The following FSTL4 variants were observed in gnomAD, a reference collection of about 807,000 sequenced individuals.
The protein encoded by FSTL4 is follistatin-related protein 4.
In FSTL4, 28 loss-of-function variants were observed where a neutral mutation model predicts 78.2. That is an observed-to-expected ratio of 0.36 (90% CI 0.27 to 0.49). The LOEUF is 0.49. Ranked by LOEUF, FSTL4 falls within the 20% of genes least tolerant of loss-of-function variation. The pLI is 0.98. For missense variants in FSTL4, 922 were observed against 1,084.9 expected (o/e 0.85, Z 2.11); for synonymous variants, 422 against 440.5 (o/e 0.96, Z 0.53).
the FSTL4 span, among the ~76,000 whole-genome samples, chr5:133,689,986 C>T: frequency 5.9e-5 from 9 of 152,134 alleles, no homozygotes; most frequent in Non-Finnish European, 1.0e-4. Flanking sequence ...GCTCGAACCC[C>T]GGAGGCAGAG....
the FSTL4 span, among the ~76,000 whole-genome samples, chr5:133,709,999 C>T: frequency 0.018 from 2,668 of 152,278 alleles, 83 homozygotes; most frequent in African/African-American, 0.061. Context: ...TGAGATGTGT[C>T]TTTCCATGCT....
the FSTL4 span, among the ~76,000 whole-genome samples, chr5:133,824,748 C>T: frequency 6.6e-6 from 1 of 152,098 alleles, no homozygotes; most frequent in African/African-American, 2.4e-5. Context: ...GCCCAAAGCA[C>T]GCAGGCATCC....
At chr5:133,682,743 C>A in the FSTL4 span, among the ~76,000 whole-genome samples, 2 of 152,162 alleles carry the variant, frequency 1.3e-5, no homozygotes, top group Admixed American at 1.3e-4. Context: ...GGGGTGGCCT[C>A]CTGCAGAAAG....
chr5:133,655,723 G>T, the FSTL4 span, among the ~76,000 whole-genome samples: 2 of 152,144 alleles, frequency 1.3e-5, no homozygotes, highest in Admixed American at 6.5e-5. Flanking sequence ...AAAAGACAAG[G>T]TAAGGGAAGA....
intron 3 of FSTL4, among the ~76,000 whole-genome samples, chr5:133,420,305 T>C (rs1040388807): frequency 6.6e-6 from 1 of 152,234 alleles, no homozygotes; most frequent in Non-Finnish European, 1.5e-5. Flanking sequence ...TTTTATATCT[T>C]GATTGAGTGA....
chr5:133,466,347 T>C (rs567821590), intron 3 of FSTL4, among the ~76,000 whole-genome samples: 97 of 152,060 alleles, frequency 6.4e-4, no homozygotes, highest in African/African-American at 1.9e-3. Flanking sequence ...TCGAGACCAT[T>C]CTGGCTAACA....
chr5:133,314,492 G>A (rs925416532), intron 5 of FSTL4, among the ~76,000 whole-genome samples: 3 of 152,148 alleles, frequency 2.0e-5, no homozygotes, highest in Non-Finnish European at 2.9e-5. Context: ...GAGGGCCTAT[G>A]TTCCAAAGCT....
At chr5:133,522,512 C>T (rs2112899323) in intron 3 of FSTL4, among the ~76,000 whole-genome samples, 1 of 152,342 alleles carries the variant, frequency 6.6e-6, no homozygotes, top group Admixed American at 6.5e-5. Context: ...GGACCTTCTC[C>T]AGCTTTCTCA....
chr5:133,841,619 T>A, the FSTL4 span, among the ~76,000 whole-genome samples: 1 of 152,168 alleles, frequency 6.6e-6, no homozygotes, highest in Admixed American at 6.5e-5. Context: ...TGGTTGTTGT[T>A]GACAGTAGAG....
At chr5:133,363,853 C>G (rs1196691341) in intron 4 of FSTL4, among the ~76,000 whole-genome samples, 1 of 152,228 alleles carries the variant, frequency 6.6e-6, no homozygotes, top group Non-Finnish European at 1.5e-5. Flanking sequence ...TCAGCCTTAA[C>G]AGCTTTGTGC....
intron 3 of FSTL4, among the ~76,000 whole-genome samples, chr5:133,461,833 T>C (rs1408467331): frequency 6.6e-6 from 1 of 152,114 alleles, no homozygotes; most frequent in Non-Finnish European, 1.5e-5. Flanking sequence ...CCCCAACACA[T>C]TTAAAAAGAA....
chr5:133,281,034 G>T (rs145402398), intron 6 of FSTL4, among the ~76,000 whole-genome samples: 33 of 152,328 alleles, frequency 2.2e-4, no homozygotes, highest in Middle Eastern at 6.8e-3. Context: ...CCAGCAGCCT[G>T]CCCAGTGCCC....
chr5:133,362,502 C>G (rs201231067), intron 4 of FSTL4, among the ~76,000 whole-genome samples: 1 of 152,214 alleles, frequency 6.6e-6, no homozygotes, highest in Admixed American at 6.5e-5. Context: ...TGTTCACTTG[C>G]GTTTTTTGAT....
intron 11 of FSTL4, 115 bp from the exon 12 acceptor site, chr5:133,220,981 C>T (rs558894874): frequency 8.0e-5 from 62 of 773,314 alleles, no homozygotes; most frequent in African/African-American, 4.2e-4. Flanking sequence ...GGTGCAGGCA[C>T]GAGATGCAAT....
chr5:133,740,630 C>G, the FSTL4 span, among the ~76,000 whole-genome samples: 4 of 152,176 alleles, frequency 2.6e-5, no homozygotes, highest in Non-Finnish European at 5.9e-5. Flanking sequence ...AGATCATTCA[C>G]CTCGATTTTC....
chr5:133,240,260 T>C (rs1751808061), intron 7 of FSTL4, among the ~76,000 whole-genome samples: 1 of 152,230 alleles, frequency 6.6e-6, no homozygotes, highest in African/African-American at 2.4e-5. Flanking sequence ...GGCTTCATTC[T>C]TGAAGTCAGT....
At chr5:133,467,252 A>ATGTG (rs1245655770) in intron 3 of FSTL4, among the ~76,000 whole-genome samples, 11 of 124,354 alleles carry the variant, frequency 8.8e-5, no homozygotes, top group African/African-American at 4.1e-4. Context: ...GAATGAGTAT[A>ATGTG]TGTGAGTGTG....
the FSTL4 span, among the ~76,000 whole-genome samples, chr5:133,829,953 A>G: frequency 1.3e-5 from 2 of 152,118 alleles, no homozygotes; most frequent in Admixed American, 6.5e-5. Context: ...GAGGTCTTGA[A>G]CAAGACCCTA....
At chr5:133,577,702 G>T (rs1477143873) in intron 2 of FSTL4, among the ~76,000 whole-genome samples, 2 of 152,116 alleles carry the variant, frequency 1.3e-5, no homozygotes, top group Non-Finnish European at 2.9e-5. Context: ...CCACGAGTTC[G>T]AGACCAGCCT....
Sources: gnomAD v4.1 joint callset for allele counts (sites outside exome capture counted in the v4.1 genomes callset) on GRCh38, gnomAD v4.1.1 for gene constraint, MANE v1.5 for transcripts, NCBI Gene and HGNC (gene_info 2026-07-23, HGNC 2026-07-21) for gene names.